The following BAZ2B variants were observed in gnomAD, a reference collection of about 807,000 sequenced individuals.
The protein encoded by BAZ2B is bromodomain adjacent to zinc finger domain 2B.
In BAZ2B, 91 loss-of-function variants were observed where a neutral mutation model predicts 246.0. The observed-to-expected ratio is 0.37, with a 90% CI of 0.31 to 0.44. The LOEUF (loss-of-function observed/expected upper bound fraction) is 0.44, where lower values mean the gene tolerates loss of function less well. BAZ2B is among the 20% of genes least tolerant of loss of function. The pLI, the probability that BAZ2B is intolerant of heterozygous loss-of-function variation, is 1.00. For synonymous variants in BAZ2B, 855 were observed against 860.0 expected, an observed-to-expected ratio of 0.99 and a Z score of 0.10; for missense variants, 2,332 against 2,533.7, an observed-to-expected ratio of 0.92 and a Z score of 1.71.
the BAZ2B span, chr2:159,690,324 G>A: frequency 9.4e-6 from 2 of 213,784 alleles, no homozygotes; most frequent in Non-Finnish European, 1.9e-5. Context: ...CTGCCGTGGT[G>A]CTGCTCATAG....
chr2:159,315,621 G>A (rs577787426), downstream of BAZ2B, among the ~76,000 whole-genome samples: 56 of 152,324 alleles, frequency 3.7e-4, 1 homozygote, highest in African/African-American at 1.3e-3. Flanking sequence ...GGCGGAAGCA[G>A]CAGTGTTATT....
At chr2:159,324,625 TACACACACACACACAC>T (rs60009917) in intron 36 of BAZ2B, among the ~76,000 whole-genome samples, 170 bp downstream of exon 36, 2,795 of 132,932 alleles carry the variant, frequency 0.021, 39 homozygotes, top group African/African-American at 0.041. Context: ...TCTAACCAAA[TACACACACACACACAC>T]ACACACACAC....
At chr2:159,477,101 C>T (rs1003281678) in intron 3 of BAZ2B, among the ~76,000 whole-genome samples, 5 of 152,108 alleles carry the variant, frequency 3.3e-5, no homozygotes, top group South Asian at 4.1e-4. Context: ...GTCAGGACAT[C>T]AAGACCATCC....
intron 1 of BAZ2B, among the ~76,000 whole-genome samples, chr2:159,584,980 C>T (rs533800970): frequency 6.6e-6 from 1 of 152,180 alleles, no homozygotes; most frequent in Admixed American, 6.5e-5. Flanking sequence ...TTCCTGAAAC[C>T]TCCCCAGAAG....
intron 1 of BAZ2B, among the ~76,000 whole-genome samples, chr2:159,607,376 T>C (rs918816948): frequency 6.6e-6 from 1 of 152,078 alleles, no homozygotes; most frequent in Non-Finnish European, 1.5e-5. Flanking sequence ...CACAAAAGCA[T>C]AGGAAAAGAA....
chr2:159,379,662 T>A (rs1348924030), intron 25 of BAZ2B, among the ~76,000 whole-genome samples: 4 of 152,210 alleles, frequency 2.6e-5, no homozygotes, highest in Non-Finnish European at 4.4e-5. Flanking sequence ...CATTGATTCA[T>A]AAATTTGATT....
chr2:159,623,049 G>T, the BAZ2B span, among the ~76,000 whole-genome samples: 2 of 31,748 alleles, frequency 6.3e-5, no homozygotes, highest in African/African-American at 4.5e-4. Context: ...GGAAAGAAAA[G>T]AAAGGAAGAG....
At chr2:159,357,746 A>T (rs2059264599) in intron 27 of BAZ2B, among the ~76,000 whole-genome samples, 1 of 152,256 alleles carries the variant, frequency 6.6e-6, no homozygotes, top group Non-Finnish European at 1.5e-5. Flanking sequence ...AGGGAAACCC[A>T]TCAGACTAAC....
chr2:159,536,277 G>T (rs1410100399), intron 2 of BAZ2B: 1 of 151,880 alleles, frequency 6.6e-6, no homozygotes, highest in South Asian at 2.1e-4. Context: ...TGGGAGTGGA[G>T]AAAAAAACAA....
the BAZ2B span, among the ~76,000 whole-genome samples, chr2:159,652,149 T>C: frequency 6.6e-6 from 1 of 152,184 alleles, no homozygotes; most frequent in South Asian, 2.1e-4. Flanking sequence ...CAATTTTACT[T>C]TCTCCCCAGC....
the BAZ2B span, among the ~76,000 whole-genome samples, chr2:159,648,940 T>A: frequency 6.6e-6 from 1 of 152,178 alleles, no homozygotes; most frequent in Non-Finnish European, 1.5e-5. Flanking sequence ...CCACCAACAG[T>A]GAATAAGTAC....
At chr2:159,357,515 T>G (rs917234071) in intron 27 of BAZ2B, among the ~76,000 whole-genome samples, 4 of 152,098 alleles carry the variant, frequency 2.6e-5, no homozygotes, top group African/African-American at 9.7e-5. Flanking sequence ...CTGAAAATGA[T>G]GGGGAGAATG....
At chr2:159,566,411 TCA>T (rs1473083855) in intron 1 of BAZ2B, among the ~76,000 whole-genome samples, 27 of 152,204 alleles carry the variant, frequency 1.8e-4, no homozygotes, top group Admixed American at 4.6e-4. Flanking sequence ...ATTTGATTAA[TCA>T]CAGTTAGATT....
At chr2:159,596,176 A>G (rs1294045244) in intron 1 of BAZ2B, among the ~76,000 whole-genome samples, 2 of 151,816 alleles carry the variant, frequency 1.3e-5, no homozygotes, top group South Asian at 4.2e-4. Flanking sequence ...GCCTCTTTAC[A>G]CTCTTAGGAC....
the BAZ2B span, chr2:159,694,613 CTAATGA>C: frequency 1.3e-5 from 2 of 152,276 alleles, no homozygotes; most frequent in Admixed American, 6.5e-5. Context: ...GTTTCCATCT[CTAATGA>C]TAATGTTTTC....
intron 27 of BAZ2B, among the ~76,000 whole-genome samples, chr2:159,365,905 T>A (rs954424984): frequency 6.6e-6 from 1 of 152,216 alleles, no homozygotes; most frequent in African/African-American, 2.4e-5. Context: ...CTTGCAGATA[T>A]TAACAGACTG....
At chr2:159,440,791 G>T (rs1299272553) in intron 6 of BAZ2B, among the ~76,000 whole-genome samples, 1 of 152,044 alleles carries the variant, frequency 6.6e-6, no homozygotes, top group Admixed American at 6.5e-5. Flanking sequence ...TTACAGGTGT[G>T]AGCCACCACA....
chr2:159,532,320 A>C (rs1441147001), intron 2 of BAZ2B, among the ~76,000 whole-genome samples: 2 of 152,160 alleles, frequency 1.3e-5, no homozygotes, highest in Non-Finnish European at 2.9e-5. Flanking sequence ...TTTTAAACAA[A>C]AGCAGTAAAA....
rs564791670 is a variant in BAZ2B at position 159,504,320 on chromosome 2, G to T, written c.-2-25599C>A. 2.6e-5 allele frequency among the ~76,000 whole-genome samples: 4 copies of T among 152,182 alleles called. No homozygotes were observed. In the East Asian group the frequency reaches 7.7e-4, roughly 29 times the overall value. On this transcript the variant is annotated intron_variant, in intron 2 of 36. Transcript: ENST00000392783. ...AATGGCCTCTTAATTTTAATAAAGT[G>T]TTGAAACCTTAAAAATTTTTTTTAA...
Sources: allele counts gnomAD v4.1 joint callset (sites outside exome capture counted in the v4.1 genomes callset), GRCh38; gene constraint gnomAD v4.1.1; transcripts MANE v1.5; gene names NCBI Gene and HGNC (gene_info 2026-07-23, HGNC 2026-07-21).